The following DPP8 variants were observed in gnomAD, a reference collection of about 807,000 sequenced individuals.
DPP8 encodes DPP VIII.
A neutral mutation model predicts 107.5 loss-of-function variants in DPP8; 31 were observed. The ratio of observed to expected loss-of-function variants is 0.29; its 90% confidence interval spans 0.22 to 0.39. DPP8 has a LOEUF of 0.39. DPP8 is among the 10% of genes least tolerant of loss of function. The pLI, the probability that DPP8 is intolerant of heterozygous loss-of-function variation, is 1.00. For missense variants in DPP8, 842 were observed against 1,076.1 expected (o/e 0.78, Z 3.04); for synonymous variants, 381 against 356.6 (o/e 1.07, Z -0.77).
At chr15:65,494,608 T>C (rs1473641329) in intron 5 of DPP8, among the ~76,000 whole-genome samples, 1 of 124,312 alleles carries the variant, frequency 8.0e-6, no homozygotes, top group African/African-American at 3.2e-5. Context: ...CCGTGAAGAC[T>C]GCAGTGAGCC....
intron 2 of DPP8, chr15:65,511,824 C>G: frequency 4.1e-6 from 1 of 241,998 alleles, no homozygotes; most frequent in Non-Finnish European, 8.4e-6. Flanking sequence ...AGGAACCTAC[C>G]TTTAAAAATT....
intron 3 of DPP8, among the ~76,000 whole-genome samples, chr15:65,503,399 C>T (rs1204604416): frequency 6.6e-6 from 1 of 151,970 alleles, no homozygotes; most frequent in African/African-American, 2.4e-5. Flanking sequence ...AGCCACCATG[C>T]CCAGCCTGAA....
intron 12 of DPP8, among the ~76,000 whole-genome samples, chr15:65,472,670 C>G (rs2065997141): frequency 6.6e-6 from 1 of 152,072 alleles, no homozygotes; most frequent in Non-Finnish European, 1.5e-5. Flanking sequence ...AAACCATATG[C>G]TAACTTACAA....
chr15:65,463,997 C>A, intron 14 of DPP8, 91 bp from the exon 15 acceptor site: 1 of 960,136 alleles, frequency 1.0e-6, no homozygotes, highest in Middle Eastern at 2.5e-4. Context: ...AAAAGTCAGC[C>A]CCGCCAACAC....
intron 12 of DPP8, among the ~76,000 whole-genome samples, chr15:65,471,908 T>C (rs1262682590): frequency 1.3e-5 from 2 of 152,180 alleles, no homozygotes; most frequent in Admixed American, 1.3e-4. Context: ...AATCCTTCAA[T>C]AAATCTTCCT....
chr15:65,507,273 G>C lies in DPP8; in HGVS notation c.342C>G (p.Leu114=), dbSNP rs1341968172. 2 of 1,607,716 alleles carry C rather than the reference G, an allele frequency of 1.2e-6. No homozygotes were observed. Among genetic ancestry groups the C allele is most frequent in the East Asian group, 2.2e-5 (1 of 44,468 alleles). Residue 114 remains leucine, a synonymous_variant, in exon 3 of 20, where the codon CTC becomes CTG. Transcript: ENST00000300141. ...KTINRAAVLM[L]SWKPLLDLFQ... is the part of the protein sequence containing the mutation. Reference sequence around the variant, plus strand: ...AAAGATCCAAAAGAGGCTTCCAAGAGAGCATTAAGACTGCTGCTCTATTGA... The same window carrying C: ...AAAGATCCAAAAGAGGCTTCCAAGACAGCATTAAGACTGCTGCTCTATTGA...
chr15:65,493,629 G>A (rs2068264879), intron 5 of DPP8, among the ~76,000 whole-genome samples: 1 of 151,986 alleles, frequency 6.6e-6, no homozygotes, highest in African/African-American at 2.4e-5. Flanking sequence ...TTTGAATTCT[G>A]GAATTAATTA....
intron 3 of DPP8, among the ~76,000 whole-genome samples, chr15:65,504,432 GAGGCTGAGGT>G (rs1176619157): frequency 6.6e-6 from 1 of 151,886 alleles, no homozygotes; most frequent in Non-Finnish European, 1.5e-5. Flanking sequence ...AGCACATTGG[GAGGCTGAGGT>G]AGGCAGATTA....
intron 2 of DPP8, among the ~76,000 whole-genome samples, chr15:65,510,553 A>C: frequency 6.7e-6 from 1 of 149,550 alleles, no homozygotes; most frequent in Non-Finnish European, 1.5e-5. Context: ...TTTTTTCTTT[A>C]CTTGAGACGA....
At position 65,442,942 on chromosome 15, in the gene DPP8, T is replaced by C. The variant is rs1167539235; in HGVS notation, c.*3942A>G. ...GCCATGTCTCTTTTCTTACATCAAATAGCTATAAAGATGGGCTCCCAGGCT... is the reference window on the plus strand; with the variant it reads ...GCCATGTCTCTTTTCTTACATCAAACAGCTATAAAGATGGGCTCCCAGGCT... On this transcript the variant is annotated 3_prime_UTR_variant, in exon 20 of 20. Transcript: ENST00000300141. The C allele has an allele frequency of 1.3e-5, 2 of 152,138 alleles. No individual in the cohort carries two copies. The highest frequency in any genetic ancestry group is 1.3e-4 in the Admixed American group (2 of 15,270). The allele number at this position is 152,138 out of a possible 1,614,324, so 9.4% of individuals were successfully genotyped here.
intron 3 of DPP8, among the ~76,000 whole-genome samples, chr15:65,501,804 C>T (rs1596096005): frequency 6.6e-6 from 1 of 152,168 alleles, no homozygotes; most frequent in Non-Finnish European, 1.5e-5. Flanking sequence ...GTTTTTCTTT[C>T]TACCTATCCC....
intron 8 of DPP8, 54 bp downstream of exon 8, chr15:65,485,045 G>A: frequency 7.3e-7 from 1 of 1,373,862 alleles, no homozygotes; most frequent in Non-Finnish European, 1.0e-6. Context: ...ACCCTACTGG[G>A]CTGAATAGAT....
chr15:65,456,489 AT>A, intron 15 of DPP8, 118 bp from the exon 16 acceptor site: 2 of 1,038,146 alleles, frequency 1.9e-6, no homozygotes, highest in Non-Finnish European at 2.7e-6. Flanking sequence ...TTAAAATGTA[AT>A]TTTTTAAGTC....
intron 14 of DPP8, among the ~76,000 whole-genome samples, chr15:65,465,863 T>G (rs1209988984): frequency 6.6e-6 from 1 of 151,976 alleles, no homozygotes; most frequent in Non-Finnish European, 1.5e-5. Flanking sequence ...GCCCAGTCCA[T>G]TATTTATGTT....
At chr15:65,463,542 CAAA>C (rs921201789) in intron 15 of DPP8, among the ~76,000 whole-genome samples, 3 of 114,744 alleles carry the variant, frequency 2.6e-5, no homozygotes, top group Non-Finnish European at 3.7e-5. Context: ...AACTCCATCT[CAAA>C]AAAAAAAAAA....
At chr15:65,514,579 C>T (rs942807256) in intron 1 of DPP8, among the ~76,000 whole-genome samples, 9 of 152,122 alleles carry the variant, frequency 5.9e-5, no homozygotes, top group African/African-American at 1.9e-4. Context: ...CGCGAGATCT[C>T]GGCTCACTGC....
intron 19 of DPP8, among the ~76,000 whole-genome samples, chr15:65,450,070 C>CGCG (rs1426040445): frequency 6.6e-6 from 1 of 151,896 alleles, no homozygotes; most frequent in African/African-American, 2.4e-5. Context: ...CCAGTTCAAG[C>CGCG]AGTTCTCCTG....
intron 17 of DPP8, 49 bp downstream of exon 17, chr15:65,454,214 G>C: frequency 7.5e-7 from 1 of 1,342,058 alleles, no homozygotes. Context: ...TCCATTTACA[G>C]AAAAATCTAC....
chr15:65,462,953 T>C (rs1336607661), intron 15 of DPP8, among the ~76,000 whole-genome samples: 1 of 152,146 alleles, frequency 6.6e-6, no homozygotes, highest in Non-Finnish European at 1.5e-5. Flanking sequence ...ATAAGGAAAA[T>C]CAAGGTATAA....
Sources: allele counts gnomAD v4.1 joint callset (sites outside exome capture counted in the v4.1 genomes callset), GRCh38; gene constraint gnomAD v4.1.1; transcripts MANE v1.5; gene names NCBI Gene and HGNC (gene_info 2026-07-23, HGNC 2026-07-21).